Variants in HDAC4 observed in about 807,000 individuals in gnomAD.
HDAC4 encodes the protein histone deacetylase 4.
In HDAC4, 16 loss-of-function variants were observed where a neutral mutation model predicts 135.1. The observed-to-expected ratio is 0.12, with a 90% confidence interval of 0.08 to 0.18. The LOEUF is 0.18. Among genes scored for constraint, HDAC4 ranks in the 10% least tolerant of loss-of-function variants. The pLI, the probability that HDAC4 is intolerant of heterozygous loss-of-function variation, is 1.00. For missense variants in HDAC4, 1,143 were observed against 1,511.8 expected (o/e 0.76, Z 4.05); for synonymous variants, 685 against 653.4 (o/e 1.05, Z -0.74).
rs111591612 is a variant in HDAC4, at chr2:239,338,600, C to A, written c.22+14078G>T. Among the ~76,000 whole-genome samples the A allele has an allele frequency of 1.3e-4, 20 of 152,286 alleles. 1 individual carries two copies. Among genetic ancestry groups the A allele is most frequent in the African/African-American group, 4.3e-4 (18 of 41,548 alleles). ...ATTTGATGTTCAAAATTTAAATAGC[C>A]ACTACATAAAATAGGAAAAAATAAA... On this transcript the variant is annotated intron_variant, in intron 2 of 26. Transcript: ENST00000543185.
chr2:239,283,531 G>A lies in HDAC4; in HGVS notation c.23-46867C>T, dbSNP rs1464666539. 5.9e-5 allele frequency among the ~76,000 whole-genome samples: 9 copies of A among 152,230 alleles called. No individual in the cohort carries two copies. The East Asian group carries it at 1.7e-3, about 29-fold the overall frequency. ...GGCTAGAAGGGGCCTGACCACACCT[G>A]GGCGTTTCCACCATAAGAACACAAA... On this transcript the variant is annotated intron_variant, in intron 2 of 26. Transcript: ENST00000543185.
At chr2:239,319,735 T>C (rs2053243855) in intron 2 of HDAC4, among the ~76,000 whole-genome samples, 1 of 152,162 alleles carries the variant, frequency 6.6e-6, no homozygotes, top group Non-Finnish European at 1.5e-5. Flanking sequence ...TGAACACCAG[T>C]CACCGACAGC....
chr2:239,234,680 C>T (rs943259764), intron 3 of HDAC4, among the ~76,000 whole-genome samples: 1 of 152,184 alleles, frequency 6.6e-6, no homozygotes, highest in Non-Finnish European at 1.5e-5. Context: ...CGCCTAAGCT[C>T]CCACGCAAAC....
chr2:239,113,729 C>T (rs778143288), intron 13 of HDAC4, among the ~76,000 whole-genome samples: 101 of 152,104 alleles, frequency 6.6e-4, no homozygotes, highest in Non-Finnish European at 1.2e-3. Flanking sequence ...TTACAAGGCC[C>T]GACCACAGGA....
chr2:239,079,949 ATGTG>A (rs1427527738), intron 22 of HDAC4, among the ~76,000 whole-genome samples: 2 of 152,090 alleles, frequency 1.3e-5, no homozygotes, highest in Admixed American at 6.5e-5. Flanking sequence ...ACCCACACAG[ATGTG>A]TGTAACACAC....
At chr2:239,378,216 G>A (rs968786737) in intron 1 of HDAC4, among the ~76,000 whole-genome samples, 13 of 152,210 alleles carry the variant, frequency 8.5e-5, no homozygotes, top group African/African-American at 2.2e-4. Context: ...GTGGGCATCC[G>A]TGACAGCTTG....
chr2:239,214,493 C>T (rs1193507197), intron 3 of HDAC4, among the ~76,000 whole-genome samples: 6 of 152,268 alleles, frequency 3.9e-5, no homozygotes, highest in South Asian at 2.1e-4. Flanking sequence ...AGGGACATTT[C>T]GGGGGTTCCA....
intron 7 of HDAC4, among the ~76,000 whole-genome samples, chr2:239,154,061 C>G (rs1298517133): frequency 6.6e-6 from 1 of 152,184 alleles, no homozygotes. Context: ...CAAATAGCTC[C>G]TAGGGCTCCC....
chr2:239,250,750 T>A (rs1484179152), intron 2 of HDAC4, among the ~76,000 whole-genome samples: 3 of 152,200 alleles, frequency 2.0e-5, no homozygotes, highest in Non-Finnish European at 2.9e-5. Flanking sequence ...TTCAGTGGCC[T>A]GACTGTGGAC....
At chr2:239,128,436 G>GA (rs2040344765) in intron 11 of HDAC4, among the ~76,000 whole-genome samples, 1 of 151,752 alleles carries the variant, frequency 6.6e-6, no homozygotes, top group African/African-American at 2.4e-5. Context: ...GGCTGAGGCA[G>GA]AAGAATTGCT....
intron 16 of HDAC4, among the ~76,000 whole-genome samples, chr2:239,101,438 G>A (rs2037622764): frequency 6.6e-6 from 1 of 152,158 alleles, no homozygotes; most frequent in South Asian, 2.1e-4. Context: ...GAGTCTGCCG[G>A]GCACAGGCCT....
Position 239,309,096 on chromosome 2 carries a change from A to G in HDAC4, c.22+43582T>C, listed in dbSNP as rs2052750390. On this transcript the variant is annotated intron_variant, in intron 2 of 26. Transcript: ENST00000543185. This position sits in a 1 kb window ranked among gnomAD's most constrained non-coding sequence, Gnocchi z 4.2. ...TGACTTGGTGCTTTACCTTCAGCCC[A>G]GACTTTCGCTTAATCCCGGAAACTG... The G allele has an allele frequency of 6.6e-6, 1 of 152,212 alleles. No homozygotes were observed. Among genetic ancestry groups the G allele is most frequent in the South Asian group, 2.1e-4 (1 of 4,828 alleles). 9.4% of individuals were successfully genotyped at this position (152,212 alleles called of 1,614,324 possible). A position where few individuals can be genotyped will look rare whatever the true frequency, so the allele number is the denominator to read the frequency against.
chr2:239,081,764 C>G (rs1173404212), intron 21 of HDAC4, among the ~76,000 whole-genome samples: 1 of 152,188 alleles, frequency 6.6e-6, no homozygotes, highest in Non-Finnish European at 1.5e-5. Flanking sequence ...GACAGAGCCC[C>G]TTGCCGGAGG....
Position 239,055,081 on chromosome 2 carries a change from G to C in HDAC4, c.3004-248C>G, listed in dbSNP as rs2031600105. ...GGTTCCTACAAGTAGCAGGAAGAAA[G>C]ACAGTCCCCAGGAGTGGGGCTGGCA... On this transcript the variant is annotated intron_variant, in intron 24 of 26. Coordinates refer to ENST00000543185, the MANE Select transcript of HDAC4 (RefSeq NM_001378414.1). The C allele has an allele frequency of 2.3e-5, 10 of 434,874 alleles. 1 individual carries two copies. Among genetic ancestry groups the C allele is most frequent in the South Asian group, 2.1e-4 (10 of 46,998 alleles). The allele number at this position is 434,874 out of a possible 1,614,324, so 26.9% of individuals were successfully genotyped here.
At chr2:239,080,901 G>A in intron 22 of HDAC4, 194 bp downstream of exon 22, 1 of 593,988 alleles carries the variant, frequency 1.7e-6, no homozygotes, top group Admixed American at 2.9e-5. Flanking sequence ...ACTAAGAGCT[G>A]ATGGTAAGAA....
At chr2:239,347,851 C>T (rs1016634310) in intron 2 of HDAC4, among the ~76,000 whole-genome samples, 3 of 152,204 alleles carry the variant, frequency 2.0e-5, no homozygotes, top group Non-Finnish European at 2.9e-5. Context: ...ATCCGTACCT[C>T]GCACCAAGAT....
chr2:239,066,931 G>A, intron 23 of HDAC4, 76 bp from the exon 24 acceptor site: 1 of 1,547,194 alleles, frequency 6.5e-7, no homozygotes, highest in Non-Finnish European at 8.8e-7. Context: ...CGCGTCTCAT[G>A]GCATCGTAAG....
rs182634013 is a variant in HDAC4, at chr2:239,296,244, T to C, written c.22+56434A>G. Among the ~76,000 whole-genome samples the C allele has an allele frequency of 5.9e-5, 9 of 152,316 alleles. No homozygotes were observed. In the East Asian group the frequency reaches 1.7e-3, roughly 29 times the overall value. On this transcript the variant is annotated intron_variant, in intron 2 of 26. Coordinates refer to ENST00000543185, the MANE Select transcript of HDAC4 (RefSeq NM_001378414.1). ...ACGCACATATGCAGGTATGCACACA[T>C]GCACGCACACAGAGGATGTGCTTAG... is the stretch of plus-strand genomic sequence containing the variant.
At chr2:239,161,331 G>A (rs1033380513) in intron 6 of HDAC4, among the ~76,000 whole-genome samples, 26 of 152,128 alleles carry the variant, frequency 1.7e-4, no homozygotes, top group South Asian at 2.1e-4. Flanking sequence ...GTATCTAGCC[G>A]ATGATTTTGG....
Sources: gnomAD v4.1 joint callset for allele counts (sites outside exome capture counted in the v4.1 genomes callset) on GRCh38, gnomAD v4.1.1 for gene constraint, Gnocchi (gnomAD v3.1) non-coding constraint, MANE v1.5 for transcripts, NCBI Gene and HGNC (gene_info 2026-07-23, HGNC 2026-07-21) for gene names.